SYT1: variants seen among roughly 807,000 people sequenced by gnomAD.
SYT1 encodes the protein synaptotagmin 1.
A neutral mutation model predicts 44.8 loss-of-function variants in SYT1; 8 were observed. The observed-to-expected ratio is 0.18, with a 90% CI of 0.10 to 0.32. The LOEUF (loss-of-function observed/expected upper bound fraction) is 0.32. Among genes scored for constraint, SYT1 ranks in the 10% least tolerant of loss-of-function variants. The probability of loss-of-function intolerance (pLI) is 1.00; values close to 1 mark genes in which losing one functional copy is unlikely to be tolerated. For missense variants in SYT1, 286 were observed against 509.3 expected (o/e 0.56, Z 4.22); for synonymous variants, 154 against 188.8 (o/e 0.82, Z 1.51).
At position 79,157,685 on chromosome 12, in the gene SYT1, A is replaced by G. The variant is rs1870687190; in HGVS notation, c.-17-59818A>G. Among the ~76,000 whole-genome samples the G allele has an allele frequency of 2.0e-5, 3 of 152,200 alleles. No homozygotes were observed. The South Asian group carries it at 6.2e-4, about 32-fold the overall frequency. On this transcript the variant is annotated intron_variant, in intron 3 of 10. Transcript: ENST00000261205. ...GAAAAAACAGGATATTGTCACTGCC[A>G]GTGAAAGACTGGCTTTATAATTGGA...
chr12:79,141,370 G>T (rs563805811), intron 3 of SYT1, among the ~76,000 whole-genome samples: 3 of 151,776 alleles, frequency 2.0e-5, no homozygotes, highest in Admixed American at 6.6e-5. Context: ...CAAATAATGC[G>T]TATTTGTATC....
At position 79,358,743 on chromosome 12, in the gene SYT1, G is replaced by A. The variant is rs569648053; in HGVS notation, c.928+5124G>A. 5.3e-5 allele frequency among the ~76,000 whole-genome samples: 8 copies of A among 152,212 alleles called. No individual in the cohort carries two copies. The East Asian group carries it at 1.5e-3, about 29-fold the overall frequency. On this transcript the variant is annotated intron_variant, in intron 9 of 10. Coordinates refer to ENST00000261205, the MANE Select transcript of SYT1 (RefSeq NM_005639.3). Reference sequence around the variant, plus strand: ...CAAGGATTCCTCAGCTCTAACCTGCGTGAGGTGCCTCCCCTGCCCAAAGCC... The same window carrying A: ...CAAGGATTCCTCAGCTCTAACCTGCATGAGGTGCCTCCCCTGCCCAAAGCC...
chr12:79,289,395 G>T (rs1232068909), intron 5 of SYT1, among the ~76,000 whole-genome samples: 1 of 152,132 alleles, frequency 6.6e-6, no homozygotes, highest in East Asian at 1.9e-4. Context: ...TAATATGATG[G>T]TACAGAAAAT....
intron 3 of SYT1, among the ~76,000 whole-genome samples, chr12:79,106,146 A>G (rs1421260614): frequency 2.6e-5 from 4 of 152,228 alleles, no homozygotes; most frequent in African/African-American, 9.6e-5. Context: ...GAAATGCAAA[A>G]GTAAACTAAG....
At chr12:79,323,359 G>A (rs1881457845) in intron 8 of SYT1, among the ~76,000 whole-genome samples, 1 of 152,154 alleles carries the variant, frequency 6.6e-6, no homozygotes, top group African/African-American at 2.4e-5. Context: ...ATCAGCCCTT[G>A]CTGACATTCC....
At chr12:79,136,200 T>G (rs1395441535) in intron 3 of SYT1, among the ~76,000 whole-genome samples, 1 of 152,230 alleles carries the variant, frequency 6.6e-6, no homozygotes, top group East Asian at 1.9e-4. Flanking sequence ...TAGACATCCT[T>G]TCAGCTACCA....
chr12:79,154,611 A>G (rs534167168), intron 3 of SYT1, among the ~76,000 whole-genome samples: 3 of 152,268 alleles, frequency 2.0e-5, no homozygotes, highest in Admixed American at 1.3e-4. Flanking sequence ...GATGAGAAGC[A>G]GGAAAATCCC....
At chr12:79,335,128 A>C (rs2139025871) in intron 8 of SYT1, among the ~76,000 whole-genome samples, 1 of 152,124 alleles carries the variant, frequency 6.6e-6, no homozygotes, top group African/African-American at 2.4e-5. Flanking sequence ...TTAATAGTAA[A>C]TTCCATTCTG....
chr12:79,068,532 G>A (rs1876035448), intron 3 of SYT1, among the ~76,000 whole-genome samples: 1 of 152,068 alleles, frequency 6.6e-6, no homozygotes, highest in South Asian at 2.1e-4. Context: ...CTCTGGAAGT[G>A]TTTTCTGCTT....
At chr12:79,088,238 T>C (rs1877516402) in intron 3 of SYT1, among the ~76,000 whole-genome samples, 1 of 152,068 alleles carries the variant, frequency 6.6e-6, no homozygotes, top group Non-Finnish European at 1.5e-5. Context: ...TACTAGCCAG[T>C]TATTATTACT....
rs527491909 is a variant in SYT1, at chr12:79,432,149, T to A, written c.929-11924T>A. 1.8e-4 allele frequency among the ~76,000 whole-genome samples: 28 copies of A among 152,144 alleles called. No homozygotes were observed. The South Asian group carries it at 5.6e-3, about 30-fold the overall frequency. Reference sequence around the variant, plus strand: ...TTCTCTTTTTAAAAAAGGGCCTACATTATTAATACTATAAAATTTCAAACC... The same window carrying A: ...TTCTCTTTTTAAAAAAGGGCCTACAATATTAATACTATAAAATTTCAAACC... On this transcript the variant is annotated intron_variant, in intron 9 of 10. Coordinates refer to ENST00000261205, the MANE Select transcript of SYT1 (RefSeq NM_005639.3).
intron 8 of SYT1, among the ~76,000 whole-genome samples, chr12:79,327,032 G>C (rs1243569991): frequency 2.0e-5 from 3 of 152,064 alleles, no homozygotes; most frequent in Non-Finnish European, 4.4e-5. Flanking sequence ...AAGAAAAATG[G>C]AGATGTTCCT....
chr12:79,410,907 A>T (rs1397806729), intron 9 of SYT1, among the ~76,000 whole-genome samples: 1 of 151,852 alleles, frequency 6.6e-6, no homozygotes, highest in African/African-American at 2.4e-5. Flanking sequence ...TGTGGTTTTC[A>T]TAATGCTCCA....
intron 4 of SYT1, among the ~76,000 whole-genome samples, chr12:79,276,935 A>C (rs1483096324): frequency 6.6e-6 from 1 of 150,562 alleles, no homozygotes; most frequent in Admixed American, 6.6e-5. Context: ...TGAAGGAAGG[A>C]GAAGAAGAAG....
chr12:78,994,786 C>T (rs994975096), intron 2 of SYT1, among the ~76,000 whole-genome samples: 4 of 152,114 alleles, frequency 2.6e-5, no homozygotes, highest in Admixed American at 6.5e-5. Context: ...CCACCCGCCT[C>T]GGCCTCCCAA....
chr12:79,426,072 C>T (rs1180304397), intron 9 of SYT1, among the ~76,000 whole-genome samples: 1 of 151,308 alleles, frequency 6.6e-6, no homozygotes, highest in East Asian at 1.9e-4. Flanking sequence ...ACATCCAGCA[C>T]TGTTTGATTA....
chr12:79,431,298 T>C lies in SYT1; in HGVS notation c.929-12775T>C, dbSNP rs184501488. On this transcript the variant is annotated intron_variant, in intron 9 of 10. Transcript: ENST00000261205. ...CTCTCACTTCTCAGAGACAGAGCAG[T>C]GTATGTCAAGAAATTTCTTTTGTCA... 6.6e-3 allele frequency among the ~76,000 whole-genome samples: 1,011 copies of C among 152,298 alleles called. 5 individuals are homozygous for C. The highest frequency in any genetic ancestry group is 0.024 in the Middle Eastern group (7 of 294).
intron 3 of SYT1, among the ~76,000 whole-genome samples, chr12:79,186,300 CA>C (rs1872798701): frequency 6.6e-6 from 1 of 151,942 alleles, no homozygotes; most frequent in Admixed American, 6.6e-5. Flanking sequence ...ATTTGTTGCA[CA>C]AAGCCATTAC....
chr12:79,424,227 C>T (rs1201626462), intron 9 of SYT1, among the ~76,000 whole-genome samples: 2 of 151,824 alleles, frequency 1.3e-5, no homozygotes, highest in African/African-American at 2.4e-5. Flanking sequence ...AGCTGGTTAC[C>T]GTGGAGATGA....
Sources: allele counts gnomAD v4.1 joint callset (sites outside exome capture counted in the v4.1 genomes callset), GRCh38; gene constraint gnomAD v4.1.1; transcripts MANE v1.5; gene names NCBI Gene and HGNC (gene_info 2026-07-23, HGNC 2026-07-21).